The following SCFD1 variants were observed in gnomAD, a reference collection of about 807,000 sequenced individuals.
SCFD1 encodes sec1 family domain-containing protein 1.
A neutral mutation model predicts 103.2 loss-of-function variants in SCFD1; 37 were observed. The ratio of observed to expected loss-of-function variants is 0.36; its 90% confidence interval spans 0.28 to 0.47. SCFD1 has a LOEUF of 0.47. Ranked by LOEUF, SCFD1 falls within the 20% of genes least tolerant of loss-of-function variation. The pLI, the probability that SCFD1 is intolerant of heterozygous loss-of-function variation, is 1.00. For missense variants in SCFD1, 639 were observed against 761.2 expected (o/e 0.84, Z 1.89); for synonymous variants, 264 against 245.0 (o/e 1.08, Z -0.73).
intron 6 of SCFD1, among the ~76,000 whole-genome samples, chr14:30,640,491 A>G (rs1240032294): frequency 6.6e-6 from 1 of 152,138 alleles, no homozygotes; most frequent in Admixed American, 6.5e-5. Flanking sequence ...TTGAATATGA[A>G]TTGTGTTATA....
chr14:30,733,102 TTCAA>T (rs1367332854), intron 23 of SCFD1, among the ~76,000 whole-genome samples: 6 of 151,172 alleles, frequency 4.0e-5, no homozygotes, highest in African/African-American at 1.5e-4. Flanking sequence ...GCCTCCCGAG[TTCAA>T]TCAATCAGTT....
intron 10 of SCFD1, among the ~76,000 whole-genome samples, chr14:30,657,932 A>AT (rs1420710122): frequency 6.6e-6 from 1 of 152,038 alleles, no homozygotes; most frequent in East Asian, 1.9e-4. Flanking sequence ...CAGAAAGATG[A>AT]TTTTTCTCAT....
intron 4 of SCFD1, among the ~76,000 whole-genome samples, chr14:30,634,430 C>T (rs1322970569): frequency 6.6e-6 from 1 of 151,998 alleles, no homozygotes; most frequent in East Asian, 1.9e-4. Context: ...TAATCATTTA[C>T]CGTGCCCAAT....
rs939715647 is a variant in SCFD1, at chr14:30,708,177, T to C, written c.1629+112T>C. ...TTATTCAAGTAATAAATAGGAATCA[T>C]AAAATCAAGGAGTTCCTTTTTTTTT... On this transcript the variant is annotated intron_variant, in intron 19 of 24. Transcript: ENST00000458591. 3 of 709,550 alleles carry C rather than the reference T, an allele frequency of 4.2e-6. No homozygotes were observed. The African/African-American group carries it at 5.4e-5, about 13-fold the overall frequency. 44.0% of individuals were successfully genotyped at this position (709,550 alleles called of 1,614,324 possible). A position where few individuals can be genotyped will look rare whatever the true frequency, so the allele number is the denominator to read the frequency against.
At chr14:30,634,154 C>T (rs544640261) in intron 4 of SCFD1, 117 bp downstream of exon 4, 1 of 600,708 alleles carries the variant, frequency 1.7e-6, no homozygotes, top group Non-Finnish European at 3.0e-6. Flanking sequence ...CTTTCTCACT[C>T]TGATTTTTGA....
rs746274069 is a variant in SCFD1, at chr14:30,705,820, T to A, written c.1491-3T>A. ...TTTTAAGTACAACTTCCTTCTTTCATAGGGCTTTTACCAAGATGGCCTCAG... is the reference window on the plus strand; with the variant it reads ...TTTTAAGTACAACTTCCTTCTTTCAAAGGGCTTTTACCAAGATGGCCTCAG... On this transcript the variant is annotated splice_polypyrimidine_tract_variant and splice_region_variant and intron_variant, in intron 17 of 24. Coordinates refer to ENST00000458591, the MANE Select transcript of SCFD1 (RefSeq NM_016106.4). The A allele has an allele frequency of 1.2e-6, 2 of 1,613,056 alleles. No homozygotes were observed. The highest frequency in any genetic ancestry group is 4.5e-5 in the East Asian group (2 of 44,866).
In SCFD1 at chr14:30,649,542, A is replaced by G. The variant is rs1274233516; in HGVS notation, c.628A>G (p.Ile210Val). The change falls in exon 8 of 25, where the codon ATC becomes GTC. Residue 210 changes from isoleucine to valine, a missense_variant. Physicochemically the swap from Ile to Val is conservative, Grantham distance 29. Coordinates refer to ENST00000458591, the MANE Select transcript of SCFD1 (RefSeq NM_016106.4). ...FFVTLGAVPI[I>V]RCSRGTAAEM... ...TGTTAAAATAGGTGCTGTTCCTATAATCAGATGTTCAAGAGGAACAGCAGC... is the reference window on the plus strand; with the variant it reads ...TGTTAAAATAGGTGCTGTTCCTATAGTCAGATGTTCAAGAGGAACAGCAGC... The G allele has an allele frequency of 1.3e-6, 2 of 1,576,688 alleles. No individual in the cohort carries two copies. The highest frequency in any genetic ancestry group is 1.7e-6 in the Non-Finnish European group (2 of 1,167,704).
intron 14 of SCFD1, among the ~76,000 whole-genome samples, chr14:30,684,131 C>T (rs192814977): frequency 6.6e-6 from 1 of 152,284 alleles, no homozygotes; most frequent in African/African-American, 2.4e-5. Context: ...TGGCAAATGT[C>T]CCAGGTTATG....
At chr14:30,698,666 TAGTTGCGGCAGTTACGGCAGGA>T (rs544106370) in intron 15 of SCFD1, among the ~76,000 whole-genome samples, 120 of 152,256 alleles carry the variant, frequency 7.9e-4, no homozygotes, top group African/African-American at 2.2e-3. Flanking sequence ...TGGTTGATCA[TAGTTGCGGCAGTTACGGCAGGA>T]AGTGCTCAGT....
At chr14:30,673,756 A>G (rs1445603175) in intron 12 of SCFD1, among the ~76,000 whole-genome samples, 168 bp from the exon 13 acceptor site, 1 of 152,224 alleles carries the variant, frequency 6.6e-6, no homozygotes, top group Non-Finnish European at 1.5e-5. Flanking sequence ...TAACATTAAA[A>G]TATATATGCT....
At chr14:30,673,384 GA>G in intron 12 of SCFD1, 37 bp downstream of exon 12, 1 of 1,153,840 alleles carries the variant, frequency 8.7e-7, no homozygotes, top group Non-Finnish European at 1.3e-6. Flanking sequence ...TTATAGGAAA[GA>G]GGAGGATTAT....
intron 1 of SCFD1, among the ~76,000 whole-genome samples, chr14:30,625,080 CTTTTTT>C (rs886345576): frequency 6.6e-6 from 1 of 151,396 alleles, no homozygotes; most frequent in African/African-American, 2.4e-5. Flanking sequence ...ATATGTTTTA[CTTTTTT>C]TTTATTTTAT....
intron 10 of SCFD1, among the ~76,000 whole-genome samples, chr14:30,665,230 G>C (rs230354): frequency 0.099 from 15,026 of 152,106 alleles, 1,417 homozygotes; most frequent in African/African-American, 0.24. Context: ...AGAGTGGGGG[G>C]CAATATTCAA....
chr14:30,640,385 T>TTA (rs1317413511), intron 6 of SCFD1, among the ~76,000 whole-genome samples: 2 of 152,192 alleles, frequency 1.3e-5, no homozygotes, highest in Non-Finnish European at 2.9e-5. Flanking sequence ...ACAACGGTTA[T>TTA]TATTCACAGA....
chr14:30,710,988 G>C (rs759562986), intron 19 of SCFD1, among the ~76,000 whole-genome samples: 19 of 152,148 alleles, frequency 1.2e-4, no homozygotes, highest in South Asian at 2.1e-4. Flanking sequence ...TTTATACCTT[G>C]TTTTATGGGC....
intron 4 of SCFD1, among the ~76,000 whole-genome samples, chr14:30,637,196 C>A (rs1262255098): frequency 6.6e-6 from 1 of 151,920 alleles, no homozygotes. Flanking sequence ...TACAATTCTC[C>A]CTCTCTTCCC....
intron 9 of SCFD1, among the ~76,000 whole-genome samples, chr14:30,651,529 T>C (rs1228620642): frequency 1.3e-5 from 2 of 151,878 alleles, no homozygotes; most frequent in East Asian, 3.9e-4. Flanking sequence ...AAAATGTTTC[T>C]CATTAGGTAG....
chr14:30,673,876 T>G (rs1410464253), intron 12 of SCFD1, 48 bp from the exon 13 acceptor site: 1 of 1,281,532 alleles, frequency 7.8e-7, no homozygotes. Flanking sequence ...TTTTTATGCT[T>G]GTGCCTGGGA....
intron 4 of SCFD1, chr14:30,635,182 C>G: frequency 2.9e-6 from 1 of 344,530 alleles, no homozygotes; most frequent in Non-Finnish European, 5.7e-6. Flanking sequence ...TGCGTAAACT[C>G]AAGTATGCTA....
Sources: allele counts gnomAD v4.1 joint callset (sites outside exome capture counted in the v4.1 genomes callset), GRCh38; gene constraint gnomAD v4.1.1; transcripts MANE v1.5; gene names NCBI Gene and HGNC (gene_info 2026-07-23, HGNC 2026-07-21).